Variants in TRPM3 observed in about 807,000 individuals in gnomAD.
TRPM3 encodes the protein transient receptor potential cation channel subfamily M member 3.
Under a neutral mutation model 181.2 loss-of-function variants are expected in TRPM3, and 77 were observed. The observed-to-expected ratio is 0.42, with a 90% CI of 0.35 to 0.51. TRPM3 has a LOEUF of 0.51. Ranked by LOEUF, TRPM3 falls within the 20% of genes least tolerant of loss-of-function variation. TRPM3 has a pLI of 0.01. For synonymous variants in TRPM3, 745 were observed against 796.4 expected, an observed-to-expected ratio of 0.94 and a Z score of 1.09; for missense variants, 1,759 against 2,196.7, an observed-to-expected ratio of 0.80 and a Z score of 3.98.
At chr9:70,861,028 C>A (rs556538165) in intron 3 of TRPM3, among the ~76,000 whole-genome samples, 1 of 152,116 alleles carries the variant, frequency 6.6e-6, no homozygotes, top group Non-Finnish European at 1.5e-5. Flanking sequence ...CTACATTCTT[C>A]GCTTCTAACC....
chr9:70,742,367 T>C (rs2074313781), intron 8 of TRPM3, among the ~76,000 whole-genome samples: 1 of 152,142 alleles, frequency 6.6e-6, no homozygotes, highest in Non-Finnish European at 1.5e-5. Context: ...TTGATATATA[T>C]AATGTATAGT....
chr9:71,224,109 G>A (rs1286354658), intron 1 of TRPM3, among the ~76,000 whole-genome samples: 2 of 152,202 alleles, frequency 1.3e-5, no homozygotes, highest in Admixed American at 1.3e-4. Context: ...GTGGCTTCAG[G>A]TCTGACCTAG....
At chr9:71,063,603 G>A (rs561601961) in intron 1 of TRPM3, among the ~76,000 whole-genome samples, 2 of 152,238 alleles carry the variant, frequency 1.3e-5, no homozygotes, top group Admixed American at 1.3e-4. Context: ...AGAGGCAGGA[G>A]AGCATAGCTA....
At chr9:71,215,680 A>G (rs60573626) in intron 1 of TRPM3, among the ~76,000 whole-genome samples, 5,930 of 152,324 alleles carry the variant, frequency 0.039, 398 homozygotes, top group African/African-American at 0.14. Context: ...ATAAAATAAA[A>G]TTGAATGAAA....
intron 9 of TRPM3, among the ~76,000 whole-genome samples, chr9:70,647,037 G>C (rs527918947): frequency 5.3e-5 from 8 of 152,086 alleles, no homozygotes; most frequent in Non-Finnish European, 1.2e-4. Context: ...TTCTGAAATT[G>C]AATTAGTAAC....
intron 1 of TRPM3, among the ~76,000 whole-genome samples, chr9:71,210,372 A>C (rs1011554515): frequency 1.1e-4 from 16 of 152,274 alleles, no homozygotes; most frequent in African/African-American, 3.4e-4. Flanking sequence ...TTACAATGTT[A>C]TAATAAAAAT....
intron 1 of TRPM3, among the ~76,000 whole-genome samples, chr9:70,938,264 T>C (rs890431761): frequency 1.3e-5 from 2 of 152,182 alleles, no homozygotes; most frequent in African/African-American, 4.8e-5. Flanking sequence ...GTAGAAACCA[T>C]GTAATCTCTA....
chr9:70,901,600 A>G (rs2096387685), intron 1 of TRPM3, among the ~76,000 whole-genome samples: 1 of 152,226 alleles, frequency 6.6e-6, no homozygotes, highest in Non-Finnish European at 1.5e-5. Context: ...TTCAATAAAT[A>G]TATTTCCAAA....
intron 17 of TRPM3, among the ~76,000 whole-genome samples, chr9:70,617,701 ATGCCTG>A (rs2063001983): frequency 6.6e-6 from 1 of 152,176 alleles, no homozygotes; most frequent in Non-Finnish European, 1.5e-5. Context: ...CCAGTGGTTC[ATGCCTG>A]TAATCCCAGC....
chr9:70,671,686 A>G (rs997713717), intron 9 of TRPM3, among the ~76,000 whole-genome samples: 2 of 152,198 alleles, frequency 1.3e-5, no homozygotes, highest in African/African-American at 2.4e-5. Context: ...TGCTGAATGA[A>G]GAATGTATCC....
intron 1 of TRPM3, chr9:70,869,094 C>G (rs895995765): frequency 1.0e-6 from 1 of 977,470 alleles, no homozygotes. Context: ...CTCTTATGAC[C>G]GCCCACTGGA....
intron 8 of TRPM3, among the ~76,000 whole-genome samples, chr9:70,684,902 T>C (rs2066383304): frequency 6.6e-6 from 1 of 152,184 alleles, no homozygotes; most frequent in East Asian, 1.9e-4. Context: ...GTTGGGAACG[T>C]TTTCCCCTTC....
At chr9:70,850,670 T>C (rs564492748) in intron 3 of TRPM3, among the ~76,000 whole-genome samples, 133 of 152,344 alleles carry the variant, frequency 8.7e-4, no homozygotes, top group African/African-American at 3.1e-3. Context: ...TAGTGTGGTT[T>C]AGCGACTTGA....
At position 71,436,700 on chromosome 9, in the gene TRPM3, T is replaced by C. The variant is rs1442203434; in HGVS notation, c.183+9953A>G. Among the ~76,000 whole-genome samples, 3 of 152,144 alleles carry C rather than the reference T, an allele frequency of 2.0e-5. No individual in the cohort carries two copies. The East Asian group carries it at 5.8e-4, about 29-fold the overall frequency. On this transcript the variant is annotated intron_variant, in intron 1 of 24. Coordinates refer to the TRPM3 transcript ENST00000357533. ...TGAGCCAAGGAATGTGGGTGGCTTC[T>C]AGAAGCTGGAAAAGGCAAGCAAATA...
At chr9:71,389,231 C>A (rs1054310305) in intron 1 of TRPM3, among the ~76,000 whole-genome samples, 2 of 151,652 alleles carry the variant, frequency 1.3e-5, no homozygotes, top group South Asian at 4.2e-4. Context: ...TGAAAAAATG[C>A]ACAATATCAC....
At chr9:71,123,220 C>T (rs2073829822), upstream of TRPM3, among the ~76,000 whole-genome samples, 1 of 152,158 alleles carries the variant, frequency 6.6e-6, no homozygotes, top group Non-Finnish European at 1.5e-5. Context: ...GTAATTTAAT[C>T]TTACATAAGA....
intron 1 of TRPM3, among the ~76,000 whole-genome samples, chr9:71,150,124 G>A (rs1482528506): frequency 6.6e-6 from 1 of 151,900 alleles, no homozygotes; most frequent in African/African-American, 2.4e-5. Flanking sequence ...AAATGTTGTA[G>A]AATTTAAAAA....
At chr9:71,163,152 C>A (rs2134722346) in intron 1 of TRPM3, among the ~76,000 whole-genome samples, 1 of 152,176 alleles carries the variant, frequency 6.6e-6, no homozygotes, top group South Asian at 2.1e-4. Context: ...AAAGAGGTGA[C>A]ATGATTAAAA....
At chr9:71,096,764 A>G (rs182201230) in intron 1 of TRPM3, among the ~76,000 whole-genome samples, 1 of 152,158 alleles carries the variant, frequency 6.6e-6, no homozygotes, top group African/African-American at 2.4e-5. Context: ...ATTAACTTCC[A>G]CATCCACTTA....
Sources: gnomAD v4.1 joint callset for allele counts (sites outside exome capture counted in the v4.1 genomes callset) on GRCh38, gnomAD v4.1.1 for gene constraint, MANE v1.5 for transcripts, NCBI Gene and HGNC (gene_info 2026-07-23, HGNC 2026-07-21) for gene names.